CFAP251: variants seen among roughly 807,000 people sequenced by gnomAD.
CFAP251 encodes the protein cilia and flagella associated protein 251.
A neutral mutation model predicts 126.7 loss-of-function variants in CFAP251; 93 were observed. That is an observed-to-expected ratio of 0.73 (90% confidence interval 0.62 to 0.87). The LOEUF (loss-of-function observed/expected upper bound fraction) is 0.87. Among genes scored for constraint, CFAP251 ranks in the 40% least tolerant of loss-of-function variants. The pLI is 0.00. For synonymous variants in CFAP251, 503 were observed against 506.9 expected (o/e 0.99, Z 0.10); for missense variants, 1,287 against 1,389.2 (o/e 0.93, Z 1.17).
intron 2 of CFAP251, 34 bp downstream of exon 2, chr12:121,921,717 TTCAGAA>T: frequency 6.4e-7 from 1 of 1,573,856 alleles, no homozygotes; most frequent in South Asian, 1.2e-5. Flanking sequence ...CATCAATTCA[TTCAGAA>T]TCATTAGTTG....
rs757121483 is a variant in CFAP251, at chr12:121,960,742, G to C, written c.2291G>C (p.Gly764Ala). 6.8e-6 allele frequency: 11 copies of C among 1,613,348 alleles called. No individual in the cohort carries two copies. In the Admixed American group the frequency reaches 1.8e-4, roughly 27 times the overall value. The change falls in exon 14 of 22, where the codon GGG becomes GCG. Residue 764 changes from glycine (G) to alanine (A), a missense_variant. Coordinates refer to ENST00000288912, the MANE Select transcript of CFAP251 (RefSeq NM_144668.6). The stretch of plus-strand genomic sequence containing the variant: ...AATGAGCCTAGACTGCTGAGCCTTG[G>C]GACAGACAGGCTCTTGGTGAGCTGT... ...DSNEPRLLSL[G>A]TDRLLIEYDL...
At position 121,921,416 on chromosome 12, in the gene CFAP251, A is replaced by G. The variant is rs759880367; in HGVS notation, c.111A>G (p.Gln37=). The G allele has an allele frequency of 1.1e-5, 17 of 1,613,928 alleles. No homozygotes were observed. The highest frequency in any genetic ancestry group is 2.2e-5 in the East Asian group (1 of 44,894). The change falls in exon 2 of 22, where the codon CAA becomes CAG. Residue 37 remains glutamine, a synonymous_variant. Transcript: ENST00000288912. ...ATTATAAAGAAGTAGAAGATCCACAACAGGAATCAAAAGATGACACAATAG... is the reference window on the plus strand; with the variant it reads ...ATTATAAAGAAGTAGAAGATCCACAGCAGGAATCAAAAGATGACACAATAG... ...NPNYKEVEDP[Q]QESKDDTIAW...
intron 13 of CFAP251, 35 bp from the exon 14 acceptor site, chr12:121,960,550 A>G (rs1248742510): frequency 1.2e-6 from 2 of 1,609,258 alleles, no homozygotes; most frequent in Non-Finnish European, 8.5e-7. Flanking sequence ...CTAAACGTAA[A>G]ATGGGATAAC....
chr12:121,963,847 C>T (rs1047960874), intron 15 of CFAP251, among the ~76,000 whole-genome samples: 43 of 151,852 alleles, frequency 2.8e-4, no homozygotes, highest in African/African-American at 7.0e-4. Flanking sequence ...CTACTCAGCG[C>T]TGTGGGGCCT....
chr12:121,954,600 C>A (rs1210901083), intron 10 of CFAP251, among the ~76,000 whole-genome samples: 1 of 121,008 alleles, frequency 8.3e-6, no homozygotes, highest in Non-Finnish European at 1.6e-5. Context: ...TGCCACTGTG[C>A]TCCAGACTGG....
chr12:121,990,731 A>AT (rs769219176), intron 19 of CFAP251, among the ~76,000 whole-genome samples: 10 of 152,124 alleles, frequency 6.6e-5, no homozygotes, highest in Non-Finnish European at 1.5e-4. Context: ...ATACATCAGT[A>AT]TTTTTACACC....
intron 19 of CFAP251, among the ~76,000 whole-genome samples, chr12:121,988,841 T>C (rs1252103736): frequency 6.6e-6 from 1 of 151,698 alleles, no homozygotes; most frequent in Non-Finnish European, 1.5e-5. Flanking sequence ...GTTCAAGTGA[T>C]TCTCCCACCT....
At chr12:121,971,407 G>A in intron 17 of CFAP251, 1 of 636,166 alleles carries the variant, frequency 1.6e-6, no homozygotes, top group East Asian at 2.8e-5. Context: ...ACCCAGGACA[G>A]TGCATGGCAG....
Position 121,954,342 on chromosome 12 carries a change from T to A in CFAP251, c.1535+8T>A. ...ACTTACCACAATTGATAGGTAATTT[T>A]AACTTAATTAAAAGATAACTATGGA... is the stretch of plus-strand genomic sequence containing the variant. On this transcript the variant is annotated splice_region_variant and intron_variant, in intron 10 of 21. Transcript: ENST00000288912. 6.3e-7 allele frequency: 1 copy of A among 1,595,844 alleles called. No homozygotes were observed. Among genetic ancestry groups the A allele is most frequent in the African/African-American group, 1.3e-5 (1 of 74,242 alleles).
chr12:121,919,758 A>T (rs189648213), intron 1 of CFAP251, among the ~76,000 whole-genome samples: 27 of 152,314 alleles, frequency 1.8e-4, no homozygotes, highest in Non-Finnish European at 3.8e-4. Flanking sequence ...TATGTGGGTT[A>T]TGCATTTTGC....
At chr12:121,994,281 TG>T (rs1182399385) in intron 19 of CFAP251, among the ~76,000 whole-genome samples, 1 of 18,508 alleles carries the variant, frequency 5.4e-5, no homozygotes, top group Non-Finnish European at 1.2e-4. Flanking sequence ...GGGAGGGAGG[TG>T]GGGGGGTCAG....
intron 7 of CFAP251, among the ~76,000 whole-genome samples, chr12:121,944,530 G>A (rs181233115): frequency 9.1e-4 from 139 of 152,248 alleles, no homozygotes; most frequent in Admixed American, 3.9e-3. Context: ...ATGCCTTGCC[G>A]TTTATTTATG....
intron 19 of CFAP251, among the ~76,000 whole-genome samples, chr12:121,976,830 GCC>G (rs1007520093): frequency 9.9e-5 from 15 of 152,240 alleles, no homozygotes; most frequent in African/African-American, 3.1e-4. Flanking sequence ...GATCACTTGA[GCC>G]CCAGAGGTGG....
At chr12:121,938,465 G>A (rs938390436) in intron 5 of CFAP251, among the ~76,000 whole-genome samples, 5 of 150,914 alleles carry the variant, frequency 3.3e-5, no homozygotes, top group African/African-American at 1.2e-4. Flanking sequence ...GGGACCACAG[G>A]TGTACACCAC....
rs199716724 is a variant in CFAP251, at chr12:121,988,747, C to CT, written c.3007-10955dup. ...TTGGATTTTTTTTTCTTTTTTTTCT[C>CT]TTTTTTTTTTTTTTGAGATGAAATC... On this transcript the variant is annotated intron_variant, in intron 19 of 21. Coordinates refer to ENST00000288912, the MANE Select transcript of CFAP251 (RefSeq NM_144668.6). Among the ~76,000 whole-genome samples, 391 of 138,870 alleles carry CT rather than the reference C, an allele frequency of 2.8e-3. 2 individuals carry two copies. Among genetic ancestry groups the CT allele is most frequent in the East Asian group, 5.8e-3 (28 of 4,822 alleles). The allele number at this position is 138,870 out of a possible 152,430, so 91.1% of individuals were successfully genotyped here. A position where few individuals can be genotyped will look rare whatever the true frequency, so the allele number is the denominator to read the frequency against.
chr12:121,960,667 C>G lies in CFAP251; in HGVS notation c.2216C>G (p.Ser739Cys), dbSNP rs372128336. Residue 739 changes from serine (S) to cysteine (C), a missense_variant, in exon 14 of 22, where the codon TCT (serine) becomes TGT (cysteine). Transcript: ENST00000288912. ...TGGGAGTACTTAGCAAGACTTCGCT[C>G]TCATCGCAAAAGCATTCGAAGTCTC... ...RVWEYLARLRSHRKSIRSLLF... is the reference protein window; with the variant it reads ...RVWEYLARLRCHRKSIRSLLF... 101 of 1,614,028 alleles carry G rather than the reference C, an allele frequency of 6.3e-5. No homozygotes were observed. Among genetic ancestry groups the G allele is most frequent in the Non-Finnish European group, 7.4e-5 (87 of 1,180,000 alleles).
At chr12:121,958,618 G>A (rs1470173690) in intron 12 of CFAP251, 96 bp downstream of exon 12, 5 of 1,556,852 alleles carry the variant, frequency 3.2e-6, no homozygotes, top group Non-Finnish European at 4.4e-6. Flanking sequence ...AAGTCTCCCC[G>A]ACTCCAGCCC....
At chr12:121,958,749 C>A (rs543304583) in intron 12 of CFAP251, among the ~76,000 whole-genome samples, 194 bp from the exon 13 acceptor site, 1 of 151,628 alleles carries the variant, frequency 6.6e-6, no homozygotes, top group Non-Finnish European at 1.5e-5. Context: ...GGGGCTCCCG[C>A]GGTGTCCTGG....
chr12:121,954,667 A>AAAAAC (rs1881664041), intron 10 of CFAP251, among the ~76,000 whole-genome samples: 2 of 147,080 alleles, frequency 1.4e-5, no homozygotes, highest in Non-Finnish European at 3.0e-5. Flanking sequence ...AAAAAAAAAA[A>AAAAAC]ACCTCTTTTG....
Sources: allele counts gnomAD v4.1 joint callset (sites outside exome capture counted in the v4.1 genomes callset), GRCh38; gene constraint gnomAD v4.1.1; transcripts MANE v1.5; gene names NCBI Gene and HGNC (gene_info 2026-07-23, HGNC 2026-07-21).